PTPN12: variants seen among roughly 807,000 people sequenced by gnomAD.
PTPN12 encodes protein tyrosine phosphatase non-receptor type 12.
Under a neutral mutation model 97.6 loss-of-function variants are expected in PTPN12, and 29 were observed. The observed-to-expected ratio is 0.30, with a 90% CI of 0.22 to 0.41. The LOEUF is 0.41. Among genes scored for constraint, PTPN12 ranks in the 10% least tolerant of loss-of-function variants. PTPN12 has a pLI of 1.00. For missense variants in PTPN12, 819 were observed against 926.0 expected, an observed-to-expected ratio of 0.88 and a Z score of 1.50; for synonymous variants, 327 against 300.4, an observed-to-expected ratio of 1.09 and a Z score of -0.91.
At chr7:77,625,515 CT>C (rs1789129602) in intron 12 of PTPN12, among the ~76,000 whole-genome samples, 4 of 108,258 alleles carry the variant, frequency 3.7e-5, no homozygotes, top group Non-Finnish European at 7.7e-5. Context: ...CTCTCTCTCT[CT>C]CTCTCTCACT....
At chr7:77,553,485 T>C (rs1329907079) in intron 1 of PTPN12, among the ~76,000 whole-genome samples, 1 of 152,232 alleles carries the variant, frequency 6.6e-6, no homozygotes, top group Non-Finnish European at 1.5e-5. Flanking sequence ...TAGACACATA[T>C]GGATTAAGGA....
At chr7:77,586,870 T>A (rs916135676) in intron 5 of PTPN12, among the ~76,000 whole-genome samples, 4 of 152,226 alleles carry the variant, frequency 2.6e-5, no homozygotes, top group African/African-American at 7.2e-5. Context: ...AAGAAACCAC[T>A]TTATTTTCTT....
intron 5 of PTPN12, among the ~76,000 whole-genome samples, chr7:77,588,558 C>G (rs935979952): frequency 2.0e-5 from 3 of 152,172 alleles, no homozygotes; most frequent in African/African-American, 7.2e-5. Context: ...AAATGTGACA[C>G]AGACCTGAAG....
chr7:77,618,261 T>A (rs1312615962), intron 11 of PTPN12, among the ~76,000 whole-genome samples: 3 of 152,162 alleles, frequency 2.0e-5, no homozygotes, highest in Non-Finnish European at 4.4e-5. Context: ...CCTTGATCTT[T>A]CCAGTAACTG....
intron 1 of PTPN12, among the ~76,000 whole-genome samples, chr7:77,561,071 G>A (rs888023584): frequency 6.6e-6 from 1 of 152,098 alleles, no homozygotes; most frequent in African/African-American, 2.4e-5. Flanking sequence ...ATTCTGGCTT[G>A]TTTTGTTTTG....
At chr7:77,625,472 G>GCTCTCTCTCTCTCTCTCTCTCTCTCTCT (rs775712037) in intron 12 of PTPN12, among the ~76,000 whole-genome samples, 7 of 33,524 alleles carry the variant, frequency 2.1e-4, no homozygotes, top group Non-Finnish European at 3.0e-4. Context: ...CAGGCTGCTC[G>GCTCTCTCTCTCTCTCTCTCTCTCTCTCT]CTCTCTCTCT....
At chr7:77,561,780 TTAATTTTA>T (rs1376266673) in intron 1 of PTPN12, among the ~76,000 whole-genome samples, 40 of 151,570 alleles carry the variant, frequency 2.6e-4, no homozygotes, top group African/African-American at 8.2e-4. Context: ...AATTAATTAA[TTAATTTTA>T]TTTATTTATT....
intron 1 of PTPN12, among the ~76,000 whole-genome samples, chr7:77,547,301 G>A (rs964481993): frequency 1.3e-5 from 2 of 152,182 alleles, no homozygotes; most frequent in African/African-American, 4.8e-5. Context: ...TTTACTAACT[G>A]AACAGACCTG....
intron 1 of PTPN12, among the ~76,000 whole-genome samples, chr7:77,554,212 G>T (rs1807600927): frequency 6.6e-6 from 1 of 152,180 alleles, no homozygotes; most frequent in Non-Finnish European, 1.5e-5. Context: ...CAATCCTCCT[G>T]CCTTGGCTTC....
At chr7:77,556,251 AGG>A (rs1195071217) in intron 1 of PTPN12, among the ~76,000 whole-genome samples, 3 of 151,910 alleles carry the variant, frequency 2.0e-5, no homozygotes, top group African/African-American at 7.2e-5. Context: ...TTTGTAGAGA[AGG>A]GGTTTCGTCA....
At chr7:77,564,003 G>A (rs565843089) in intron 1 of PTPN12, 1 of 389,644 alleles carries the variant, frequency 2.6e-6, no homozygotes, top group East Asian at 8.8e-5. Flanking sequence ...TCAGCCTCCT[G>A]AGTAGCTGGG....
chr7:77,548,515 T>C (rs1484705950), intron 1 of PTPN12, among the ~76,000 whole-genome samples: 1 of 152,210 alleles, frequency 6.6e-6, no homozygotes, highest in Non-Finnish European at 1.5e-5. Context: ...ATTAAGGAGC[T>C]TGTTACAGGT....
At chr7:77,578,372 A>G (rs1181905905) in intron 2 of PTPN12, among the ~76,000 whole-genome samples, 2 of 152,210 alleles carry the variant, frequency 1.3e-5, no homozygotes, top group Admixed American at 1.3e-4. Flanking sequence ...GCATATAAAA[A>G]GGGGGATGGG....
At position 77,625,474 on chromosome 7, in the gene PTPN12, T is replaced by TTGCG. The variant is rs1554326606; in HGVS notation, c.1026-1231_1026-1230insTGCG. Among the ~76,000 whole-genome samples the TTGCG allele has an allele frequency of 7.2e-4, 21 of 29,154 alleles. 1 individual carries two copies. The highest frequency in any genetic ancestry group is 0.016 in the Middle Eastern group (1 of 64). The allele number at this position is 29,154 out of a possible 152,430, so 19.1% of individuals were successfully genotyped here. On this transcript the variant is annotated intron_variant, in intron 12 of 17. Transcript: ENST00000248594. The stretch of plus-strand genomic sequence containing the variant: ...TTGCCATATTGCCCAGGCTGCTCGC[T>TTGCG]CTCTCTCTCTCTCTCTCTCTCTCTC...
rs2151335970 is a variant in PTPN12 at position 77,585,595 on chromosome 7, A to G, written c.420+14A>G. 4 of 1,579,038 alleles carry G rather than the reference A, an allele frequency of 2.5e-6. No individual in the cohort carries two copies. Among genetic ancestry groups the G allele is most frequent in the East Asian group, 4.5e-5 (2 of 44,398 alleles). ...GAGATGGGAAGGGTATGTATAATCT[A>G]TTCCTCTTACTATTTCATTTTTACG... On this transcript the variant is annotated intron_variant, in intron 5 of 17. Transcript: ENST00000248594.
In PTPN12 at chr7:77,627,344, C is replaced by T; in HGVS notation, c.1665C>T (p.Ser555=). The T allele has an allele frequency of 6.2e-7, 1 of 1,613,914 alleles. No individual in the cohort carries two copies. Among genetic ancestry groups the T allele is most frequent in the Admixed American group, 1.7e-5 (1 of 60,014 alleles). ...TACCTGATTTATCTGAAGGCAATTC[C>T]TCAGATATCAACTATCAAACTAGGA... ...IPIPDLSEGN[S]SDINYQTRKT... Residue 555 remains serine (S), a synonymous_variant, in exon 13 of 18, where the codon TCC becomes TCT. Coordinates refer to ENST00000248594, the MANE Select transcript of PTPN12 (RefSeq NM_002835.4).
chr7:77,629,890 A>T (rs896109544), intron 13 of PTPN12, among the ~76,000 whole-genome samples: 1 of 151,342 alleles, frequency 6.6e-6, no homozygotes, highest in African/African-American at 2.4e-5. Flanking sequence ...GCAGTGAGCC[A>T]TAATTGCGTC....
Position 77,615,039 on chromosome 7 carries a change from C to A in PTPN12, c.940-3441C>A, listed in dbSNP as rs1186327620. 3.3e-5 allele frequency among the ~76,000 whole-genome samples: 5 copies of A among 152,188 alleles called. No homozygotes were observed. In the East Asian group the frequency reaches 9.6e-4, roughly 29 times the overall value. On this transcript the variant is annotated intron_variant, in intron 11 of 17. Coordinates refer to ENST00000248594, the MANE Select transcript of PTPN12 (RefSeq NM_002835.4). ...CTAAAGAGAAAATTTATTCTGTAAG[C>A]CTGTATCATATTGACTGAGGATTTA... is the stretch of plus-strand genomic sequence containing the variant.
Position 77,632,406 on chromosome 7 carries a change from T to A in PTPN12, c.2055T>A (p.Phe685Leu). ...PPLPERTPES[F>L]VLASEHNTPV... The stretch of plus-strand genomic sequence containing the variant: ...TACCTGAAAGAACTCCTGAATCGTT[T>A]GTGTTAGCAAGTGAACATAGTGAGT... Residue 685 changes from phenylalanine to leucine, a missense_variant, in exon 14 of 18, where the codon TTT becomes TTA. Physicochemically the swap from Phe to Leu is conservative, Grantham distance 22. Around this residue, in one of 5 missense-constraint regions of PTPN12, gnomAD observed 607 missense variants for 577.3 expected, o/e 1.05. Transcript: ENST00000248594. 1 of 1,609,800 alleles carries A rather than the reference T, an allele frequency of 6.2e-7. No homozygotes were observed. The highest frequency in any genetic ancestry group is 2.2e-5 in the East Asian group (1 of 44,780).
Sources: gnomAD v4.1 joint callset for allele counts (sites outside exome capture counted in the v4.1 genomes callset) on GRCh38, gnomAD v4.1.1 for gene constraint, gnomAD v4.1.1 regional missense constraint, MANE v1.5 for transcripts, NCBI Gene and HGNC (gene_info 2026-07-23, HGNC 2026-07-21) for gene names.